The following MEGF9 variants were observed in gnomAD, a reference collection of about 807,000 sequenced individuals.
MEGF9 encodes the protein multiple EGF like domains 9, also known as multiple epidermal growth factor-like domains protein 9.
MEGF9 carries 6 observed loss-of-function variants against 46.8 expected under a neutral mutation model. The ratio of observed to expected loss-of-function variants is 0.13; its 90% CI spans 0.07 to 0.25. MEGF9 has a LOEUF of 0.25. MEGF9 is among the 10% of genes least tolerant of loss of function. The probability of loss-of-function intolerance (pLI) is 1.00; values close to 1 mark genes in which losing one functional copy is unlikely to be tolerated. For synonymous variants in MEGF9, 302 were observed against 330.7 expected (o/e 0.91, Z 0.94); for missense variants, 683 against 792.4 (o/e 0.86, Z 1.66).
rs2043965096 is a variant in MEGF9 at position 120,713,888 on chromosome 9, G to T, written c.471C>A (p.Thr157=). 2 of 1,326,734 alleles carry T rather than the reference G, an allele frequency of 1.5e-6. No homozygotes were observed. The highest frequency in any genetic ancestry group is 2.8e-5 in the East Asian group (1 of 35,716). 82.2% of individuals were successfully genotyped at this position (1,326,734 alleles called of 1,614,324 possible). A position where few individuals can be genotyped will look rare whatever the true frequency, so the allele number is the denominator to read the frequency against. Residue 157 remains threonine, a synonymous_variant, in exon 1 of 6, where the codon ACC becomes ACA. Transcript: ENST00000373930. ...TLSTTTGPAP[T]TPVATTVPAP... ...CCGGTACGGTGGTCGCTACAGGGGT[G>T]GTCGGCGCCGGGCCAGTGGTCGTCG... is the stretch of plus-strand genomic sequence containing the variant.
At chr9:120,701,816 G>A (rs183190461) in intron 1 of MEGF9, among the ~76,000 whole-genome samples, 70 of 152,232 alleles carry the variant, frequency 4.6e-4, no homozygotes, top group Non-Finnish European at 6.9e-4. Flanking sequence ...AGGCCAAGGC[G>A]GGCGGATCAC....
chr9:120,605,405 C>A lies in MEGF9; in HGVS notation c.1594G>T (p.Val532Leu), dbSNP rs1413912567. ...IIVVVLLMGF[V>L]GAVYMYREYQ... ...TCGCGGTACATATATACAGCCCCCA[C>A]AAATCCCATTAGCAGCACCACAACA... Residue 532 changes from valine (V) to leucine (L), a missense_variant, in exon 6 of 6, where the codon GTG becomes TTG. Coordinates refer to ENST00000373930, the MANE Select transcript of MEGF9 (RefSeq NM_001080497.3). The surrounding 1 kb of genome is among the most constrained non-coding windows in gnomAD (Gnocchi z 4.0). 6.2e-7 allele frequency: 1 copy of A among 1,614,064 alleles called. No homozygotes were observed. Among genetic ancestry groups the A allele is most frequent in the Admixed American group, 1.7e-5 (1 of 60,024 alleles).
chr9:120,711,332 AT>A (rs1012236622), intron 1 of MEGF9, among the ~76,000 whole-genome samples: 17 of 152,058 alleles, frequency 1.1e-4, no homozygotes, highest in South Asian at 2.1e-4. Flanking sequence ...AGATACCGAT[AT>A]TTTTTTTAAA....
chr9:120,687,784 A>T (rs1587996151), intron 1 of MEGF9, among the ~76,000 whole-genome samples: 1 of 130,420 alleles, frequency 7.7e-6, no homozygotes, highest in African/African-American at 3.2e-5. Flanking sequence ...AAAAGAGATA[A>T]AAAAAAAAAA....
intron 1 of MEGF9, among the ~76,000 whole-genome samples, chr9:120,667,709 T>A (rs1475261287): frequency 2.0e-5 from 3 of 152,196 alleles, no homozygotes; most frequent in Non-Finnish European, 4.4e-5. Flanking sequence ...CCTCTTCATG[T>A]ACATCGAATG....
At chr9:120,608,082 T>C in intron 4 of MEGF9, 72 bp from the exon 5 acceptor site, 1 of 1,532,134 alleles carries the variant, frequency 6.5e-7, no homozygotes, top group Non-Finnish European at 8.9e-7. Context: ...CAACTACTAG[T>C]CCTTAAAAAG....
intron 1 of MEGF9, among the ~76,000 whole-genome samples, chr9:120,663,650 G>C (rs776326599): frequency 1.3e-5 from 2 of 152,192 alleles, no homozygotes; most frequent in Non-Finnish European, 2.9e-5. Context: ...TAATGGGAAT[G>C]AAACAATATG....
intron 2 of MEGF9, among the ~76,000 whole-genome samples, chr9:120,657,027 C>T (rs941304300): frequency 1.4e-4 from 22 of 152,152 alleles, no homozygotes; most frequent in African/African-American, 5.1e-4. Flanking sequence ...ATAAACCAGG[C>T]GTGGGTAAAC....
chr9:120,700,206 A>G (rs559825930), intron 1 of MEGF9, among the ~76,000 whole-genome samples: 64 of 152,218 alleles, frequency 4.2e-4, no homozygotes, highest in Non-Finnish European at 7.1e-4. Flanking sequence ...AATATACTCA[A>G]TAACTCAAAA....
At chr9:120,631,833 T>C (rs1342543750) in intron 2 of MEGF9, among the ~76,000 whole-genome samples, 1 of 152,202 alleles carries the variant, frequency 6.6e-6, no homozygotes, top group Non-Finnish European at 1.5e-5. Context: ...TTGATAGGGA[T>C]AGCATTAAAT....
chr9:120,687,670 C>CTGAGTGTG (rs2043829095), intron 1 of MEGF9, among the ~76,000 whole-genome samples: 1 of 141,988 alleles, frequency 7.0e-6, no homozygotes. Context: ...GAACACAACA[C>CTGAGTGTG]TGTGTGTGTG....
intron 1 of MEGF9, among the ~76,000 whole-genome samples, chr9:120,683,357 T>C (rs1037555823): frequency 6.6e-6 from 1 of 152,192 alleles, no homozygotes; most frequent in African/African-American, 2.4e-5. Flanking sequence ...CCAAATCTCA[T>C]CTCAAATTGT....
intron 2 of MEGF9, among the ~76,000 whole-genome samples, chr9:120,652,617 T>A (rs2043658717): frequency 6.7e-6 from 1 of 149,648 alleles, no homozygotes; most frequent in South Asian, 2.1e-4. Context: ...CACACACGTA[T>A]GTGCACAATT....
At chr9:120,614,556 T>C (rs920163165) in intron 3 of MEGF9, among the ~76,000 whole-genome samples, 1 of 152,180 alleles carries the variant, frequency 6.6e-6, no homozygotes, top group Admixed American at 6.5e-5. Flanking sequence ...TCTCTTTAGC[T>C]ATGTATCTTT....
chr9:120,674,287 C>G (rs1388662116), intron 1 of MEGF9, among the ~76,000 whole-genome samples: 2 of 151,990 alleles, frequency 1.3e-5, no homozygotes, highest in Non-Finnish European at 2.9e-5. Flanking sequence ...ACCCTGAAAA[C>G]CCAACAATAA....
Position 120,711,871 on chromosome 9 carries a change from A to ACACAC in MEGF9, c.601+1886_601+1887insGTGTG, listed in dbSNP as rs145059704. Among the ~76,000 whole-genome samples the ACACAC allele has an allele frequency of 2.9e-3, 442 of 150,198 alleles. 5 individuals are homozygous for ACACAC. Among genetic ancestry groups the ACACAC allele is most frequent in the African/African-American group, 0.011 (425 of 40,362 alleles). The stretch of plus-strand genomic sequence containing the variant: ...CACACACACACACACACACACACAC[A>ACACAC]CCCACAGGCCTGGTCATAAGCATAG... On this transcript the variant is annotated intron_variant, in intron 1 of 5. Transcript: ENST00000373930.
intron 3 of MEGF9, among the ~76,000 whole-genome samples, chr9:120,618,436 A>G (rs1001906441): frequency 3.9e-5 from 6 of 152,244 alleles, no homozygotes; most frequent in African/African-American, 1.4e-4. Flanking sequence ...CTATGAATAC[A>G]TAAAGGTACA....
intron 1 of MEGF9, among the ~76,000 whole-genome samples, chr9:120,698,653 CCT>C (rs1324358191): frequency 2.6e-5 from 4 of 152,052 alleles, no homozygotes; most frequent in African/African-American, 9.7e-5. Context: ...TTGAAAAATC[CCT>C]GTTTTTCAAA....
chr9:120,674,386 C>A (rs898106314), intron 1 of MEGF9, among the ~76,000 whole-genome samples: 1 of 152,124 alleles, frequency 6.6e-6, no homozygotes, highest in Non-Finnish European at 1.5e-5. Flanking sequence ...TGAAAAGGTA[C>A]CCAATATCTT....
Sources: gnomAD v4.1 joint callset for allele counts (sites outside exome capture counted in the v4.1 genomes callset) on GRCh38, gnomAD v4.1.1 for gene constraint, Gnocchi (gnomAD v3.1) non-coding constraint, MANE v1.5 for transcripts, NCBI Gene and HGNC (gene_info 2026-07-23, HGNC 2026-07-21) for gene names.